Variants in CPQ observed in about 807,000 individuals in gnomAD.
CPQ encodes Ser-Met dipeptidase.
A neutral mutation model predicts 45.7 loss-of-function variants in CPQ; 37 were observed. The ratio of observed to expected loss-of-function variants is 0.81; its 90% CI spans 0.62 to 1.07. The LOEUF is 1.07. CPQ is among the 50% of genes least tolerant of loss of function. The pLI is 0.00. For synonymous variants in CPQ, 186 were observed against 205.8 expected, an observed-to-expected ratio of 0.90 and a Z score of 0.82; for missense variants, 537 against 572.9, an observed-to-expected ratio of 0.94 and a Z score of 0.64.
chr8:96,971,058 G>A (rs984802724), intron 5 of CPQ, among the ~76,000 whole-genome samples: 1 of 152,166 alleles, frequency 6.6e-6, no homozygotes, highest in Non-Finnish European at 1.5e-5. Context: ...TATTCACTCC[G>A]TGGGTATAGC....
At chr8:97,071,528 C>T (rs77381698) in intron 7 of CPQ, among the ~76,000 whole-genome samples, 1 of 152,082 alleles carries the variant, frequency 6.6e-6, no homozygotes, top group East Asian at 1.9e-4. Flanking sequence ...CTGTTTACTC[C>T]AAATCCCTGC....
intron 5 of CPQ, among the ~76,000 whole-genome samples, chr8:97,004,559 GA>G (rs927529330): frequency 2.0e-5 from 3 of 151,838 alleles, no homozygotes; most frequent in African/African-American, 7.3e-5. Context: ...AAATTATCCT[GA>G]AAAAAATTCA....
chr8:96,773,701 C>T (rs959865588), intron 1 of CPQ, among the ~76,000 whole-genome samples: 4 of 152,144 alleles, frequency 2.6e-5, no homozygotes, highest in African/African-American at 9.7e-5. Context: ...TTTGTTTTCT[C>T]ACAGTTCTGC....
intron 6 of CPQ, among the ~76,000 whole-genome samples, chr8:97,061,290 TAAAC>T (rs1443334518): frequency 1.3e-5 from 2 of 152,176 alleles, no homozygotes; most frequent in Admixed American, 6.6e-5. Flanking sequence ...TTTCTTGGCT[TAAAC>T]AAATTACTTT....
At chr8:97,096,867 C>A (rs753464913) in intron 7 of CPQ, among the ~76,000 whole-genome samples, 2 of 152,196 alleles carry the variant, frequency 1.3e-5, no homozygotes, top group African/African-American at 2.4e-5. Context: ...TTAAACTAAC[C>A]TATGCTTCCC....
chr8:96,922,335 A>G (rs1398686671), intron 4 of CPQ, among the ~76,000 whole-genome samples: 1 of 152,188 alleles, frequency 6.6e-6, no homozygotes, highest in Non-Finnish European at 1.5e-5. Context: ...GAGGGTTTGG[A>G]AAAAAGAAAA....
intron 1 of CPQ, among the ~76,000 whole-genome samples, chr8:96,764,444 A>G (rs769926849): frequency 4.6e-5 from 7 of 152,298 alleles, no homozygotes; most frequent in African/African-American, 1.2e-4. Flanking sequence ...CATTATCTTA[A>G]CATATATTCA....
chr8:97,118,685 AG>A (rs1180547354), intron 7 of CPQ, among the ~76,000 whole-genome samples: 1 of 152,174 alleles, frequency 6.6e-6, no homozygotes, highest in African/African-American at 2.4e-5. Flanking sequence ...GTCATGATTT[AG>A]TACAAGGGTT....
At position 97,066,071 on chromosome 8, in the gene CPQ, G is replaced by A; in HGVS notation, c.1116G>A (p.Gly372=). The A allele has an allele frequency of 1.9e-6, 3 of 1,611,594 alleles. No individual in the cohort carries two copies. Among genetic ancestry groups the A allele is most frequent in the Non-Finnish European group, 2.5e-6 (3 of 1,179,274 alleles). The change falls in exon 7 of 8, where the codon GGG becomes GGA. Residue 372 remains glycine (G), a synonymous_variant. Coordinates refer to ENST00000220763, the MANE Select transcript of CPQ (RefSeq NM_016134.4). ...ACGCAGGAACCTTCTTACCCACTGG[G>A]CTGCAATTCACTGGCAGTGAAAAGG... is the stretch of plus-strand genomic sequence containing the variant. ...ESDAGTFLPT[G]LQFTGSEKAR... is the part of the protein sequence containing the mutation.
chr8:96,831,478 G>A (rs1811460523), intron 2 of CPQ, among the ~76,000 whole-genome samples: 1 of 152,126 alleles, frequency 6.6e-6, no homozygotes, highest in Non-Finnish European at 1.5e-5. Context: ...TTTTGGAATG[G>A]GAGGATGGGA....
intron 3 of CPQ, among the ~76,000 whole-genome samples, chr8:96,856,808 C>A (rs939796493): frequency 6.6e-6 from 1 of 152,190 alleles, no homozygotes; most frequent in Non-Finnish European, 1.5e-5. Flanking sequence ...TAAGGAAAAA[C>A]CTCTTCTCTA....
chr8:96,652,165 C>G (rs1815584395), intron 1 of CPQ, among the ~76,000 whole-genome samples: 1 of 152,168 alleles, frequency 6.6e-6, no homozygotes, highest in Admixed American at 6.5e-5. Context: ...CCATTCTACT[C>G]TACGCTTCTT....
rs371445195 is a variant in CPQ at position 96,730,666 on chromosome 8, G to C, written c.-34-54198G>C. Among the ~76,000 whole-genome samples the C allele has an allele frequency of 5.3e-5, 8 of 151,624 alleles. No homozygotes were observed. The East Asian group carries it at 1.6e-3, about 29-fold the overall frequency. ...TTTAGCATTCTTAACCTGGAGCAGG[G>C]GTTCTGAAACTTGAACTGGCACATT... On this transcript the variant is annotated intron_variant, in intron 1 of 7. Coordinates refer to ENST00000220763, the MANE Select transcript of CPQ (RefSeq NM_016134.4).
chr8:97,034,677 A>G (rs1406069335), intron 6 of CPQ, among the ~76,000 whole-genome samples: 4 of 152,164 alleles, frequency 2.6e-5, no homozygotes, highest in Non-Finnish European at 5.9e-5. Context: ...CTATTACCCT[A>G]GTAAGTTTCC....
chr8:97,032,138 T>A (rs182104891), intron 6 of CPQ, among the ~76,000 whole-genome samples: 102 of 152,294 alleles, frequency 6.7e-4, no homozygotes, highest in African/African-American at 2.5e-3. Flanking sequence ...AACAGAGAGA[T>A]CATCTGTTCC....
At chr8:97,030,356 A>G (rs531854160) in intron 6 of CPQ, among the ~76,000 whole-genome samples, 1 of 151,314 alleles carries the variant, frequency 6.6e-6, no homozygotes, top group East Asian at 1.9e-4. Context: ...AATTGTGTGT[A>G]TGTTATTTTT....
intron 1 of CPQ, among the ~76,000 whole-genome samples, chr8:96,673,224 A>G (rs1402640574): frequency 6.6e-6 from 1 of 152,200 alleles, no homozygotes; most frequent in African/African-American, 2.4e-5. Context: ...TATTGACGTG[A>G]AAGTACACTC....
At chr8:96,652,829 T>G (rs1043512395) in intron 1 of CPQ, among the ~76,000 whole-genome samples, 2 of 152,022 alleles carry the variant, frequency 1.3e-5, no homozygotes, top group African/African-American at 4.8e-5. Flanking sequence ...AGAGACGGGG[T>G]TTCACTTTGT....
intron 1 of CPQ, among the ~76,000 whole-genome samples, chr8:96,743,729 C>A (rs1563485767): frequency 6.6e-6 from 1 of 151,900 alleles, no homozygotes; most frequent in Non-Finnish European, 1.5e-5. Context: ...GTTGGAATAC[C>A]CTGCCATGTG....
Sources: gnomAD v4.1 joint callset for allele counts (sites outside exome capture counted in the v4.1 genomes callset) on GRCh38, gnomAD v4.1.1 for gene constraint, MANE v1.5 for transcripts, NCBI Gene and HGNC (gene_info 2026-07-23, HGNC 2026-07-21) for gene names.